CDH4: variants seen among roughly 807,000 people sequenced by gnomAD.
CDH4 encodes the protein cadherin-4.
In CDH4, 33 loss-of-function variants were observed where a neutral mutation model predicts 86.0. The observed-to-expected ratio is 0.38, with a 90% CI of 0.29 to 0.51. CDH4 has a LOEUF of 0.51. Ranked by LOEUF, CDH4 falls within the 20% of genes least tolerant of loss-of-function variation. The pLI is 0.86. For synonymous variants in CDH4, 555 were observed against 549.4 expected (o/e 1.01, Z -0.14); for missense variants, 1,114 against 1,307.4 (o/e 0.85, Z 2.28).
chr20:61,356,773 A>G (rs1477962780), intron 2 of CDH4, among the ~76,000 whole-genome samples: 1 of 152,276 alleles, frequency 6.6e-6, no homozygotes, highest in Admixed American at 6.5e-5. Flanking sequence ...TTTTTAAAAA[A>G]TTAAGCCAAA....
intron 2 of CDH4, among the ~76,000 whole-genome samples, chr20:61,398,534 G>A (rs1600940315): frequency 6.6e-6 from 1 of 152,182 alleles, no homozygotes; most frequent in Non-Finnish European, 1.5e-5. Context: ...GGGAGAGCGG[G>A]TGTGGCCCTT....
chr20:61,871,338 G>C (rs1251501545), intron 6 of CDH4, among the ~76,000 whole-genome samples: 1 of 152,038 alleles, frequency 6.6e-6, no homozygotes, highest in African/African-American at 2.4e-5. Context: ...CGTTCCTGTT[G>C]AGAAGTCAGC....
At chr20:61,598,273 C>T (rs1178570625) in intron 2 of CDH4, among the ~76,000 whole-genome samples, 2 of 152,074 alleles carry the variant, frequency 1.3e-5, no homozygotes, top group South Asian at 2.1e-4. Context: ...TCCCACCCAC[C>T]GGCCTGCCTG....
chr20:61,519,578 C>T (rs1467290108), intron 2 of CDH4, among the ~76,000 whole-genome samples: 3 of 152,232 alleles, frequency 2.0e-5, no homozygotes, highest in Non-Finnish European at 4.4e-5. Context: ...CAAGGAGGCT[C>T]CCTGGTGCCC....
At position 61,929,643 on chromosome 20, in the gene CDH4, C is replaced by T; in HGVS notation, c.2040C>T (p.Tyr680=). 1.2e-6 allele frequency: 2 copies of T among 1,614,038 alleles called. No individual in the cohort carries two copies. Among genetic ancestry groups the T allele is most frequent in the Non-Finnish European group, 1.7e-6 (2 of 1,180,034 alleles). The change falls in exon 13 of 16, where the codon TAC becomes TAT. Residue 680 remains tyrosine (Y), a synonymous_variant. Transcript: ENST00000614565. Reference sequence around the variant, plus strand: ...CCCAACTCAGCTTGCGCATCCTGTACCTGGAGGCCGGGATGTATGACGTCC... The same window carrying T: ...CCCAACTCAGCTTGCGCATCCTGTATCTGGAGGCCGGGATGTATGACGTCC... ...DYAQLSLRIL[Y]LEAGMYDVPI...
At chr20:61,438,496 T>C (rs545684754) in intron 2 of CDH4, among the ~76,000 whole-genome samples, 1 of 152,370 alleles carries the variant, frequency 6.6e-6, no homozygotes, top group South Asian at 2.1e-4. Flanking sequence ...AAATGCTGTC[T>C]TCAAGACTTT....
At position 61,584,305 on chromosome 20, in the gene CDH4, TGACA is replaced by T. The variant is rs1220397672; in HGVS notation, c.170-159252_170-159249del. Reference sequence around the variant, plus strand: ...AATGTTCGTCCTGGCTTCTGGGTACTGACAGACAGCATCGTCGACCCCTGCAGAT... The same window carrying T: ...AATGTTCGTCCTGGCTTCTGGGTACTGACAGCATCGTCGACCCCTGCAGAT... On this transcript the variant is annotated intron_variant, in intron 2 of 15. Coordinates refer to ENST00000614565, the MANE Select transcript of CDH4 (RefSeq NM_001794.5). 5.9e-5 allele frequency among the ~76,000 whole-genome samples: 9 copies of T among 152,328 alleles called. No homozygotes were observed. The East Asian group carries it at 1.3e-3, about 23-fold the overall frequency.
chr20:61,528,893 A>C (rs1014064508), intron 2 of CDH4, among the ~76,000 whole-genome samples: 9 of 145,776 alleles, frequency 6.2e-5, no homozygotes, highest in African/African-American at 2.3e-4. Context: ...CTTGTCCCTT[A>C]TTATTACAGA....
intron 2 of CDH4, among the ~76,000 whole-genome samples, chr20:61,342,140 G>T (rs1384652215): frequency 6.6e-6 from 1 of 152,168 alleles, no homozygotes; most frequent in East Asian, 1.9e-4. Flanking sequence ...AAAAGATGAG[G>T]CTGTATGACT....
In CDH4 at chr20:61,938,185, G is replaced by A. The variant is rs899182245; in HGVS notation, c.*1242G>A. On this transcript the variant is annotated 3_prime_UTR_variant, in exon 16 of 16. Transcript: ENST00000614565. ...CTCTCCTCTCCTATGGACCCTCGTC[G>A]GGGGCAGGCAGCGGCCGGGTCCAAA... 1 of 152,268 alleles carries A rather than the reference G, an allele frequency of 6.6e-6. No homozygotes were observed. The highest frequency in any genetic ancestry group is 2.4e-5 in the African/African-American group (1 of 41,438). 9.4% of individuals were successfully genotyped at this position (152,268 alleles called of 1,614,324 possible).
Position 61,663,116 on chromosome 20 carries a change from T to C in CDH4, c.170-80447T>C, listed in dbSNP as rs2048442614. On this transcript the variant is annotated intron_variant, in intron 2 of 15. Transcript: ENST00000614565. The surrounding 1 kb of genome is among the most constrained non-coding windows in gnomAD (Gnocchi z 5.0). Reference sequence around the variant, plus strand: ...GCAGTGTCGACATGAAGCAAACCATTGTTAAAATATTGACTGGAGGAGAAA... The same window carrying C: ...GCAGTGTCGACATGAAGCAAACCATCGTTAAAATATTGACTGGAGGAGAAA... 6.6e-6 allele frequency among the ~76,000 whole-genome samples: 1 copy of C among 152,108 alleles called. No individual in the cohort carries two copies. The highest frequency in any genetic ancestry group is 2.4e-5 in the African/African-American group (1 of 41,436).
At chr20:61,910,020 G>A (rs918005773) in intron 8 of CDH4, among the ~76,000 whole-genome samples, 3 of 152,262 alleles carry the variant, frequency 2.0e-5, no homozygotes, top group African/African-American at 4.8e-5. Context: ...GTGGGGCCCC[G>A]GCAGCCGTGC....
rs146238621 is a variant in CDH4, at chr20:61,613,390, G to A, written c.170-130173G>A. 1.3e-3 allele frequency among the ~76,000 whole-genome samples: 205 copies of A among 152,124 alleles called. 1 individual carries two copies. The highest frequency in any genetic ancestry group is 4.4e-3 in the African/African-American group (181 of 41,410). ...CCAGATCTGGCCCAGGGCCGTGTGC[G>A]TAGGTCAGTCAGTGGAGGAACCCCA... On this transcript the variant is annotated intron_variant, in intron 2 of 15. Transcript: ENST00000614565.
chr20:61,313,619 A>G (rs2084459846), intron 2 of CDH4, among the ~76,000 whole-genome samples: 1 of 152,258 alleles, frequency 6.6e-6, no homozygotes, highest in Non-Finnish European at 1.5e-5. Flanking sequence ...CCCTGGGAAC[A>G]TCACAGGGGT....
rs138658394 is a variant in CDH4 at position 61,576,060 on chromosome 20, G to T, written c.170-167503G>T. 8.5e-5 allele frequency among the ~76,000 whole-genome samples: 13 copies of T among 152,310 alleles called. No individual in the cohort carries two copies. The East Asian group carries it at 2.5e-3, about 29-fold the overall frequency. On this transcript the variant is annotated intron_variant, in intron 2 of 15. Transcript: ENST00000614565. ...AGGAGAAGGGACAAGTGGAGGGGAA[G>T]ATGAAAGAGGGGGTCCAGAGGGTGT...
rs1220160429 is a variant in CDH4, at chr20:61,873,768, C to T, written c.918C>T (p.Asp306=). 1 of 1,613,930 alleles carries T rather than the reference C, an allele frequency of 6.2e-7. No individual in the cohort carries two copies. Among genetic ancestry groups the T allele is most frequent in the Admixed American group, 1.7e-5 (1 of 60,024 alleles). ...CCGTCACGGCCAACGATGCTGACGA[C>T]AGCACCACGGCCAACGGGATGGTGC... ...VMTVTANDAD[D]STTANGMVRY... is the part of the protein sequence containing the mutation. The change falls in exon 7 of 16, where the codon GAC becomes GAT. Residue 306 remains aspartate (D), a synonymous_variant. Transcript: ENST00000614565.
intron 2 of CDH4, among the ~76,000 whole-genome samples, chr20:61,402,819 G>T (rs1436431522): frequency 6.6e-6 from 1 of 152,232 alleles, no homozygotes; most frequent in Non-Finnish European, 1.5e-5. Context: ...CCAGTTTATA[G>T]ATGAAGAAAC....
intron 2 of CDH4, among the ~76,000 whole-genome samples, chr20:61,656,346 C>T (rs528173611): frequency 4.1e-5 from 5 of 121,894 alleles, no homozygotes; most frequent in African/African-American, 7.1e-5. Context: ...GGTGGGTAGG[C>T]GCGTGCTGAA....
At chr20:61,733,481 A>AC (rs1295828696) in intron 2 of CDH4, among the ~76,000 whole-genome samples, 1 of 152,002 alleles carries the variant, frequency 6.6e-6, no homozygotes, top group Non-Finnish European at 1.5e-5. Context: ...TTCCTCCCCC[A>AC]CAGACCCTCT....
Sources: allele counts gnomAD v4.1 joint callset (sites outside exome capture counted in the v4.1 genomes callset), GRCh38; gene constraint gnomAD v4.1.1; non-coding constraint Gnocchi (gnomAD v3.1); transcripts MANE v1.5; gene names NCBI Gene and HGNC (gene_info 2026-07-23, HGNC 2026-07-21).